Variants in PCDHGB7 observed in about 807,000 individuals in gnomAD.
PCDHGB7 encodes protocadherin gamma-B7.
Under a neutral mutation model 61.4 loss-of-function variants are expected in PCDHGB7, and 37 were observed. That is an observed-to-expected ratio of 0.60 (90% confidence interval 0.46 to 0.79). The LOEUF is 0.79. PCDHGB7 is among the 30% of genes least tolerant of loss of function. PCDHGB7 has a pLI of 0.00. For synonymous variants in PCDHGB7, 464 were observed against 503.5 expected (o/e 0.92, Z 1.05); for missense variants, 1,166 against 1,202.5 (o/e 0.97, Z 0.45).
chr5:141,470,671 C>T (rs2099236433), intron 1 of PCDHGB7, among the ~76,000 whole-genome samples: 1 of 152,064 alleles, frequency 6.6e-6, no homozygotes, highest in African/African-American at 2.4e-5. Context: ...TAGGGCTCTG[C>T]TGTTACCATC....
rs1414722237 is a variant in PCDHGB7 at position 141,432,748 on chromosome 5, C to T, written c.2415+12474C>T. On this transcript the variant is annotated intron_variant, in intron 1 of 3. Coordinates refer to ENST00000398594, the MANE Select transcript of PCDHGB7 (RefSeq NM_018927.4). The surrounding 1 kb of genome is among the most constrained non-coding windows in gnomAD (Gnocchi z 6.0). ...CCGCCACTGTCACGCTCACCGTGGC[C>T]GTGGCCGACAGCATCCCCCAAGTCC... 1 of 1,614,120 alleles carries T rather than the reference C, an allele frequency of 6.2e-7. No homozygotes were observed. The highest frequency in any genetic ancestry group is 8.5e-7 in the Non-Finnish European group (1 of 1,179,980).
intron 1 of PCDHGB7, chr5:141,484,853 G>T (rs747582810): frequency 2.5e-4 from 64 of 251,466 alleles, no homozygotes; most frequent in Non-Finnish European, 4.3e-4. Flanking sequence ...GGGTTTTTTG[G>T]GGGGTGGGGG....
intron 1 of PCDHGB7, among the ~76,000 whole-genome samples, chr5:141,444,933 G>A (rs1004890599): frequency 3.3e-5 from 5 of 152,152 alleles, no homozygotes; most frequent in African/African-American, 1.2e-4. Context: ...AAAGAGGGAA[G>A]GAGGGAGGAG....
At chr5:141,484,317 T>C (rs939085863) in intron 1 of PCDHGB7, among the ~76,000 whole-genome samples, 1 of 152,220 alleles carries the variant, frequency 6.6e-6, no homozygotes, top group Non-Finnish European at 1.5e-5. Context: ...CCCGCTTCCA[T>C]ACTGTCCTTG....
rs748803155 is a variant in PCDHGB7, at chr5:141,490,087, G to C, written c.2416-4720G>C. ...CGGCCAACTAGACTATTCTTTTGGAGACCACACATCTGAGGCAGTGCGGAA... is the reference window on the plus strand; with the variant it reads ...CGGCCAACTAGACTATTCTTTTGGACACCACACATCTGAGGCAGTGCGGAA... On this transcript the variant is annotated intron_variant, in intron 1 of 3. Transcript: ENST00000398594. The surrounding 1 kb of genome is among the most constrained non-coding windows in gnomAD (Gnocchi z 5.4). 1.9e-6 allele frequency: 3 copies of C among 1,614,244 alleles called. No individual in the cohort carries two copies. Among genetic ancestry groups the C allele is most frequent in the Non-Finnish European group, 2.5e-6 (3 of 1,180,044 alleles).
chr5:141,425,559 G>A (rs1180113940), intron 1 of PCDHGB7, among the ~76,000 whole-genome samples: 2 of 152,176 alleles, frequency 1.3e-5, no homozygotes, highest in East Asian at 3.9e-4. Context: ...TCTTTTATAA[G>A]TGATAAGAAG....
chr5:141,454,892 C>T (rs1389056318), intron 1 of PCDHGB7, among the ~76,000 whole-genome samples: 4 of 146,994 alleles, frequency 2.7e-5, no homozygotes, highest in Non-Finnish European at 5.9e-5. Context: ...ACTGCTAGCA[C>T]CGCCTCCCGG....
At chr5:141,451,238 T>A (rs1167769789) in intron 1 of PCDHGB7, among the ~76,000 whole-genome samples, 6 of 152,214 alleles carry the variant, frequency 3.9e-5, no homozygotes, top group African/African-American at 1.4e-4. Context: ...TATTATCTCA[T>A]AAATTTTGTG....
chr5:141,458,350 A>C (rs1259508706), intron 1 of PCDHGB7, among the ~76,000 whole-genome samples: 1 of 152,162 alleles, frequency 6.6e-6, no homozygotes, highest in East Asian at 1.9e-4. Flanking sequence ...GGAGAGTTTA[A>C]TAAGCAAGAA....
At chr5:141,478,044 C>G in intron 1 of PCDHGB7, 1 of 1,614,184 alleles carries the variant, frequency 6.2e-7, no homozygotes. Flanking sequence ...CCCAGGCAGA[C>G]TCTCACGGTC....
At position 141,465,539 on chromosome 5, in the gene PCDHGB7, T is replaced by C. The variant is rs2099105222; in HGVS notation, c.2416-29268T>C. On this transcript the variant is annotated intron_variant, in intron 1 of 3. Transcript: ENST00000398594. ...GATTCTGGGGAAGTTTTCCCAGGCA[T>C]TTTTTCTGCTGAAGCTTTGGTAACT... Among the ~76,000 whole-genome samples the C allele has an allele frequency of 2.0e-5, 3 of 152,178 alleles. No homozygotes were observed. In the South Asian group the frequency reaches 6.2e-4, roughly 32 times the overall value.
At chr5:141,503,502 G>A (rs750139098) in intron 2 of PCDHGB7, among the ~76,000 whole-genome samples, 5 of 151,828 alleles carry the variant, frequency 3.3e-5, no homozygotes, top group Admixed American at 2.0e-4. Context: ...AAGAGGCTGA[G>A]GCAGGAGAAT....
chr5:141,470,459 A>T (rs59770804), intron 1 of PCDHGB7, among the ~76,000 whole-genome samples: 32,627 of 152,034 alleles, frequency 0.21, 3,610 homozygotes, highest in African/African-American at 0.27. Context: ...CTTGAATAGG[A>T]TTTTCTGATA....
chr5:141,436,555 G>A (rs562422182), intron 1 of PCDHGB7, among the ~76,000 whole-genome samples: 1 of 152,252 alleles, frequency 6.6e-6, no homozygotes, highest in South Asian at 2.1e-4. Flanking sequence ...TTGAGCTTCA[G>A]CAAAGTAGGA....
intron 1 of PCDHGB7, chr5:141,422,579 C>T: frequency 6.2e-7 from 1 of 1,614,052 alleles, no homozygotes; most frequent in Non-Finnish European, 8.5e-7. Flanking sequence ...GATAACCCTC[C>T]CGTTTTTCCT....
intron 2 of PCDHGB7, among the ~76,000 whole-genome samples, chr5:141,498,573 A>G (rs7725519): frequency 0.52 from 78,890 of 151,684 alleles, 21,175 homozygotes; most frequent in African/African-American, 0.65. Flanking sequence ...CAGGGCTAGT[A>G]TTGAGTTCTT....
At chr5:141,498,670 G>A (rs1266576450) in intron 2 of PCDHGB7, among the ~76,000 whole-genome samples, 1 of 152,066 alleles carries the variant, frequency 6.6e-6, no homozygotes, top group Non-Finnish European at 1.5e-5. Flanking sequence ...GGTGGCTCAC[G>A]CCTGTAATCC....
chr5:141,476,951 A>C lies in PCDHGB7; in HGVS notation c.2416-17856A>C. On this transcript the variant is annotated intron_variant, in intron 1 of 3. Coordinates refer to ENST00000398594, the MANE Select transcript of PCDHGB7 (RefSeq NM_018927.4). The surrounding 1 kb of genome is among the most constrained non-coding windows in gnomAD (Gnocchi z 7.6). ...TCTGGATGAAGGCCCCAACGGTGAA[A>C]TTATTTACTCCTTCGGCAGCCACAA... 6.2e-7 allele frequency: 1 copy of C among 1,614,184 alleles called. No individual in the cohort carries two copies. Among genetic ancestry groups the C allele is most frequent in the South Asian group, 1.1e-5 (1 of 91,088 alleles).
intron 1 of PCDHGB7, among the ~76,000 whole-genome samples, chr5:141,463,809 T>G (rs964935762): frequency 1.3e-5 from 2 of 152,216 alleles, no homozygotes; most frequent in African/African-American, 4.8e-5. Context: ...TAAAAGCTTT[T>G]ATCACACATT....
Sources: allele counts gnomAD v4.1 joint callset (sites outside exome capture counted in the v4.1 genomes callset), GRCh38; gene constraint gnomAD v4.1.1; non-coding constraint Gnocchi (gnomAD v3.1); transcripts MANE v1.5; gene names NCBI Gene and HGNC (gene_info 2026-07-23, HGNC 2026-07-21).